FHIP1A: variants seen among roughly 807,000 people sequenced by gnomAD.
FHIP1A encodes FHF complex subunit HOOK interacting protein 1A, also known as FHF complex subunit HOOK-interacting protein 1A.
FHIP1A carries 61 observed loss-of-function variants against 88.6 expected under a neutral mutation model. The observed-to-expected ratio is 0.69, with a 90% CI of 0.56 to 0.85. The LOEUF is 0.85. FHIP1A is among the 40% of genes least tolerant of loss of function. The pLI, the probability that FHIP1A is intolerant of heterozygous loss-of-function variation, is 0.00. For missense variants in FHIP1A, 1,154 were observed against 1,273.5 expected, an observed-to-expected ratio of 0.91 and a Z score of 1.43; for synonymous variants, 478 against 496.0, an observed-to-expected ratio of 0.96 and a Z score of 0.48.
intron 10 of FHIP1A, 65 bp downstream of exon 10, chr4:151,646,813 GT>G: frequency 8.8e-7 from 1 of 1,132,734 alleles, no homozygotes; most frequent in Non-Finnish European, 1.3e-6. Context: ...CTTGGGATAT[GT>G]GTCCCTTTGG....
At chr4:151,490,055 T>C (rs764712077) in intron 3 of FHIP1A, among the ~76,000 whole-genome samples, 4 of 152,098 alleles carry the variant, frequency 2.6e-5, no homozygotes, top group Admixed American at 1.3e-4. Flanking sequence ...AACCAACCAC[T>C]TGAAGTTATT....
intron 8 of FHIP1A, among the ~76,000 whole-genome samples, chr4:151,630,604 T>C (rs1233650066): frequency 6.6e-6 from 1 of 152,106 alleles, no homozygotes; most frequent in Non-Finnish European, 1.5e-5. Context: ...GAGCAACCAC[T>C]AAGAAAATAA....
rs1276475034 is a variant in FHIP1A at position 151,577,941 on chromosome 4, C to T, written c.597C>T (p.Ser199=). The change falls in exon 5 of 14, where the codon TCC becomes TCT. Residue 199 remains serine, a synonymous_variant. Coordinates refer to ENST00000435205, the MANE Select transcript of FHIP1A (RefSeq NM_001109977.3). The part of the protein sequence containing the change: ...DQGAANFLIF[S]LLIPFIHREG... ...GCGCTGCCAACTTCCTCATCTTCTC[C>T]CTTCTGATTCCCTTCATTCACCGAG... The T allele has an allele frequency of 1.3e-6, 2 of 1,551,586 alleles. No individual in the cohort carries two copies. The highest frequency in any genetic ancestry group is 8.7e-7 in the Non-Finnish European group (1 of 1,146,974).
At chr4:151,581,087 A>G (rs1300866516) in intron 5 of FHIP1A, among the ~76,000 whole-genome samples, 1 of 152,098 alleles carries the variant, frequency 6.6e-6, no homozygotes, top group Non-Finnish European at 1.5e-5. Flanking sequence ...TTGAACTCCT[A>G]ACCTCAAGTG....
At chr4:151,513,373 G>A (rs973332813) in intron 3 of FHIP1A, among the ~76,000 whole-genome samples, 3 of 152,128 alleles carry the variant, frequency 2.0e-5, no homozygotes, top group African/African-American at 4.8e-5. Context: ...GACCATCGAG[G>A]CTAGGAAGAA....
At chr4:151,543,613 G>A (rs1401661855) in intron 3 of FHIP1A, among the ~76,000 whole-genome samples, 1 of 152,070 alleles carries the variant, frequency 6.6e-6, no homozygotes, top group Non-Finnish European at 1.5e-5. Flanking sequence ...TCACAATATA[G>A]GGCATTATAC....
chr4:151,629,872 A>G lies in FHIP1A; in HGVS notation c.1146+3A>G. On this transcript the variant is annotated splice_donor_region_variant and intron_variant, in intron 8 of 13. Transcript: ENST00000435205. ...GTCGAATCAACACCCCGTTTCGGGT[A>G]AGGAGAGCGCCAGAGGAAGGGAACT... 6.4e-7 allele frequency: 1 copy of G among 1,550,392 alleles called. No homozygotes were observed. Among genetic ancestry groups the G allele is most frequent in the South Asian group, 1.2e-5 (1 of 83,898 alleles).
intron 1 of FHIP1A, among the ~76,000 whole-genome samples, chr4:151,439,139 G>A (rs1728313173): frequency 6.6e-6 from 1 of 152,002 alleles, no homozygotes; most frequent in Non-Finnish European, 1.5e-5. Flanking sequence ...TTCAATTCTG[G>A]TAGACTCAGA....
chr4:151,624,395 G>A (rs553487002), intron 7 of FHIP1A, among the ~76,000 whole-genome samples: 26 of 152,202 alleles, frequency 1.7e-4, no homozygotes, highest in South Asian at 1.7e-3. Context: ...TGTGCCTCTT[G>A]TACCTGGTTT....
intron 7 of FHIP1A, among the ~76,000 whole-genome samples, chr4:151,608,006 TTTC>T (rs1735140237): frequency 6.6e-6 from 1 of 150,698 alleles, no homozygotes; most frequent in African/African-American, 2.4e-5. Flanking sequence ...TGATTTTCTT[TTTC>T]TTTTTTCTTT....
intron 3 of FHIP1A, among the ~76,000 whole-genome samples, chr4:151,500,180 C>T (rs752852083): frequency 5.9e-5 from 9 of 152,022 alleles, no homozygotes; most frequent in Non-Finnish European, 1.2e-4. Context: ...AGAAAATGTT[C>T]AGAGGACATG....
intron 3 of FHIP1A, among the ~76,000 whole-genome samples, chr4:151,501,166 G>A (rs548695524): frequency 2.6e-5 from 4 of 152,304 alleles, no homozygotes; most frequent in African/African-American, 7.2e-5. Context: ...CATATATGGA[G>A]GGGGCAATTT....
At chr4:151,484,957 G>A (rs1337361779) in intron 3 of FHIP1A, among the ~76,000 whole-genome samples, 1 of 152,152 alleles carries the variant, frequency 6.6e-6, no homozygotes, top group Admixed American at 6.6e-5. Flanking sequence ...TGGCTTCCCT[G>A]GCTTTGTGTG....
intron 1 of FHIP1A, among the ~76,000 whole-genome samples, chr4:151,437,182 A>G (rs1728235686): frequency 6.6e-6 from 1 of 152,160 alleles, no homozygotes; most frequent in African/African-American, 2.4e-5. Flanking sequence ...TGCATGCAAA[A>G]TAATGGCTGA....
intron 11 of FHIP1A, among the ~76,000 whole-genome samples, chr4:151,651,112 G>C (rs1020897183): frequency 6.6e-6 from 1 of 152,162 alleles, no homozygotes; most frequent in Non-Finnish European, 1.5e-5. Flanking sequence ...GGGGTTAGCT[G>C]TGCCTTTGCC....
At chr4:151,475,410 C>T (rs1028013190) in intron 2 of FHIP1A, among the ~76,000 whole-genome samples, 5 of 152,088 alleles carry the variant, frequency 3.3e-5, no homozygotes, top group Admixed American at 6.5e-5. Flanking sequence ...GATTGGAATG[C>T]GATTTCTATT....
Position 151,413,509 on chromosome 4 carries a change from C to G in FHIP1A, c.-356+4044C>G, listed in dbSNP as rs538528437. On this transcript the variant is annotated intron_variant, in intron 1 of 13. Coordinates refer to ENST00000435205, the MANE Select transcript of FHIP1A (RefSeq NM_001109977.3). ...TCGCTCTGTTGCCCAGGCTGGAGTG[C>G]GGTGGCACAATCTTAGCTCACTGCA... Among the ~76,000 whole-genome samples, 4 of 152,268 alleles carry G rather than the reference C, an allele frequency of 2.6e-5. No individual in the cohort carries two copies. In the East Asian group the frequency reaches 7.7e-4, roughly 29 times the overall value.
At chr4:151,476,999 T>A (rs1729732719) in intron 2 of FHIP1A, among the ~76,000 whole-genome samples, 1 of 152,080 alleles carries the variant, frequency 6.6e-6, no homozygotes, top group Admixed American at 6.6e-5. Context: ...TACGAAAAAA[T>A]GGAAAGGTCC....
rs1578883335 is a variant in FHIP1A at position 151,666,670 on chromosome 4, G to A, written c.*3916G>A. On this transcript the variant is annotated 3_prime_UTR_variant, in exon 14 of 14. Transcript: ENST00000435205. ...TCTCCAAATCAGCTTGGCTGTGGCC[G>A]TCATGTGGACTGATTCCCAGGTCTG... Among the ~76,000 whole-genome samples, 2 of 152,196 alleles carry A rather than the reference G, an allele frequency of 1.3e-5. No individual in the cohort carries two copies. Among genetic ancestry groups the A allele is most frequent in the African/African-American group, 4.8e-5 (2 of 41,446 alleles).
Sources: allele counts gnomAD v4.1 joint callset (sites outside exome capture counted in the v4.1 genomes callset), GRCh38; gene constraint gnomAD v4.1.1; transcripts MANE v1.5; gene names NCBI Gene and HGNC (gene_info 2026-07-23, HGNC 2026-07-21).